The following MACROD2 variants were observed in gnomAD, a reference collection of about 807,000 sequenced individuals.
MACROD2 encodes mono-ADP ribosylhydrolase 2, also known as ADP-ribose glycohydrolase MACROD2.
MACROD2 carries 36 observed loss-of-function variants against 70.4 expected under a neutral mutation model. The observed-to-expected ratio is 0.51, with a 90% CI of 0.39 to 0.68. The LOEUF (loss-of-function observed/expected upper bound fraction) is 0.68, where lower values mean the gene tolerates loss of function less well. Among genes scored for constraint, MACROD2 ranks in the 30% least tolerant of loss-of-function variants. MACROD2 has a pLI of 0.00. For missense variants in MACROD2, 496 were observed against 538.4 expected (o/e 0.92, Z 0.78); for synonymous variants, 172 against 178.8 (o/e 0.96, Z 0.30).
intron 5 of MACROD2, among the ~76,000 whole-genome samples, chr20:14,915,449 G>A (rs2074079967): frequency 6.6e-6 from 1 of 152,194 alleles, no homozygotes. Context: ...GAAGCATTAA[G>A]CTCAAGCTCA....
intron 3 of MACROD2, among the ~76,000 whole-genome samples, chr20:14,143,749 CTT>C (rs1347014658): frequency 6.6e-6 from 1 of 152,040 alleles, no homozygotes; most frequent in Non-Finnish European, 1.5e-5. Context: ...GAGTAAGAGA[CTT>C]ATGATTTTTT....
intron 5 of MACROD2, among the ~76,000 whole-genome samples, chr20:15,039,415 T>C (rs1387395265): frequency 6.6e-6 from 1 of 151,636 alleles, no homozygotes; most frequent in East Asian, 1.9e-4. Flanking sequence ...GGAAGAGGAG[T>C]TGTAGTTTCT....
chr20:15,933,822 T>C (rs2065615720), intron 11 of MACROD2, among the ~76,000 whole-genome samples: 1 of 152,216 alleles, frequency 6.6e-6, no homozygotes, highest in Admixed American at 6.5e-5. Context: ...GATGGTGTGA[T>C]GGGCCTGACT....
intron 4 of MACROD2, among the ~76,000 whole-genome samples, chr20:14,497,908 T>C (rs1052382246): frequency 3.3e-5 from 5 of 151,830 alleles, no homozygotes; most frequent in African/African-American, 1.2e-4. Context: ...CTGCAATGCA[T>C]GCAAAGCCAT....
At chr20:15,262,905 GTGT>G (rs2077261473) in intron 6 of MACROD2, among the ~76,000 whole-genome samples, 1 of 151,824 alleles carries the variant, frequency 6.6e-6, no homozygotes, top group African/African-American at 2.4e-5. Flanking sequence ...TTTCTCTATA[GTGT>G]TGTTTGAGCT....
chr20:14,325,784 A>T (rs1376667548), intron 3 of MACROD2: 4 of 1,613,916 alleles, frequency 2.5e-6, no homozygotes, highest in Non-Finnish European at 3.4e-6. Flanking sequence ...GCTTCTGCAT[A>T]GTCATCCTTT....
At chr20:14,028,002 G>A (rs180902943) in intron 2 of MACROD2, among the ~76,000 whole-genome samples, 88 of 152,332 alleles carry the variant, frequency 5.8e-4, no homozygotes, top group African/African-American at 2.0e-3. Flanking sequence ...TTCTGCTGAA[G>A]CTGCGCTCAC....
intron 2 of MACROD2, among the ~76,000 whole-genome samples, chr20:14,054,127 C>G (rs2053605573): frequency 1.3e-5 from 2 of 149,760 alleles, no homozygotes; most frequent in African/African-American, 4.9e-5. Context: ...TGGTTGTTTA[C>G]TTTTCTGCCT....
intron 8 of MACROD2, among the ~76,000 whole-genome samples, chr20:15,800,198 T>TGA (rs1165805395): frequency 6.6e-6 from 1 of 152,154 alleles, no homozygotes; most frequent in African/African-American, 2.4e-5. Flanking sequence ...AGCAGCTTGT[T>TGA]GATAGTTTGC....
At chr20:15,234,990 A>T (rs2077001279) in intron 6 of MACROD2, among the ~76,000 whole-genome samples, 3 of 152,160 alleles carry the variant, frequency 2.0e-5, no homozygotes, top group Non-Finnish European at 4.4e-5. Flanking sequence ...GTTCATTTTT[A>T]AAAAACTAAT....
chr20:14,224,541 A>G (rs564915113), intron 3 of MACROD2, among the ~76,000 whole-genome samples: 5 of 152,288 alleles, frequency 3.3e-5, no homozygotes, highest in African/African-American at 1.2e-4. Flanking sequence ...CAGGATACTC[A>G]TAGCTCTTAG....
At chr20:14,467,100 A>G (rs938564634) in intron 3 of MACROD2, among the ~76,000 whole-genome samples, 17 of 152,102 alleles carry the variant, frequency 1.1e-4, no homozygotes, top group African/African-American at 4.1e-4. Flanking sequence ...GGTTATTGCT[A>G]TCTTTTGTTT....
At chr20:15,281,468 G>T (rs1404834416) in intron 6 of MACROD2, among the ~76,000 whole-genome samples, 1 of 152,094 alleles carries the variant, frequency 6.6e-6, no homozygotes, top group African/African-American at 2.4e-5. Context: ...TTGGATAAAT[G>T]CACCCATTCC....
At chr20:15,878,703 G>T (rs562183372) in intron 9 of MACROD2, among the ~76,000 whole-genome samples, 1 of 152,048 alleles carries the variant, frequency 6.6e-6, no homozygotes, top group East Asian at 1.9e-4. Flanking sequence ...ACAGGTACCT[G>T]CTCAGAAGAC....
chr20:15,583,569 C>T (rs1454121275), intron 8 of MACROD2, among the ~76,000 whole-genome samples: 3 of 152,202 alleles, frequency 2.0e-5, no homozygotes, highest in African/African-American at 7.2e-5. Flanking sequence ...CCCAGTGCCA[C>T]ATTCCTGAGA....
chr20:14,220,544 A>G (rs989658583), intron 3 of MACROD2, among the ~76,000 whole-genome samples: 2 of 152,184 alleles, frequency 1.3e-5, no homozygotes, highest in Admixed American at 1.3e-4. Context: ...AGTTCTGGCC[A>G]GGAGGCTTCT....
chr20:15,348,349 A>C (rs985860560), intron 6 of MACROD2, among the ~76,000 whole-genome samples: 1 of 152,238 alleles, frequency 6.6e-6, no homozygotes, highest in Non-Finnish European at 1.5e-5. Context: ...CATTGTTGTA[A>C]TAATGCAAGA....
At position 15,454,403 on chromosome 20, in the gene MACROD2, T is replaced by TCAAACA. The variant is rs1293404522; in HGVS notation, c.571+22971_571+22976dup. Reference sequence around the variant, plus strand: ...GCTATATCCCTCTCATTTGACATATTCAAACACACACACACACACACACAC... The same window carrying TCAAACA: ...GCTATATCCCTCTCATTTGACATATTCAAACACAAACACACACACACACACACACAC... On this transcript the variant is annotated intron_variant, in intron 7 of 17. Transcript: ENST00000684519. 6.5e-3 allele frequency among the ~76,000 whole-genome samples: 624 copies of TCAAACA among 95,940 alleles called. 7 individuals are homozygous for TCAAACA. The highest frequency in any genetic ancestry group is 0.033 in the African/African-American group (575 of 17,492). The allele number at this position is 95,940 out of a possible 152,430, so 62.9% of individuals were successfully genotyped here.
In MACROD2 at chr20:15,039,051, T is replaced by C. The variant is rs150505830; in HGVS notation, c.419-190889T>C. On this transcript the variant is annotated intron_variant, in intron 5 of 17. Coordinates refer to ENST00000684519, the MANE Select transcript of MACROD2 (RefSeq NM_001351661.2). The stretch of plus-strand genomic sequence containing the variant: ...GCTGACACCCCTGTAACAAAGGACC[T>C]AATAGGAGAAAAGCATAACAAATTT... Among the ~76,000 whole-genome samples the C allele has an allele frequency of 4.5e-4, 68 of 152,198 alleles. 2 individuals are homozygous for C. The East Asian group carries it at 0.013, about 29-fold the overall frequency.
Sources: gnomAD v4.1 joint callset for allele counts (sites outside exome capture counted in the v4.1 genomes callset) on GRCh38, gnomAD v4.1.1 for gene constraint, MANE v1.5 for transcripts, NCBI Gene and HGNC (gene_info 2026-07-23, HGNC 2026-07-21) for gene names.